The following AGBL1 variants were observed in gnomAD, a reference collection of about 807,000 sequenced individuals.
AGBL1 encodes the protein cytosolic carboxypeptidase 4.
Under a neutral mutation model 118.9 loss-of-function variants are expected in AGBL1, and 130 were observed. That is an observed-to-expected ratio of 1.09 (90% CI 0.95 to 1.26). The LOEUF (loss-of-function observed/expected upper bound fraction) is 1.26, where lower values mean the gene tolerates loss of function less well. Ranked by LOEUF, AGBL1 falls within the 50% of genes most tolerant of loss-of-function variation. The pLI, the probability that AGBL1 is intolerant of heterozygous loss-of-function variation, is 0.00. For synonymous variants in AGBL1, 555 were observed against 478.9 expected, an observed-to-expected ratio of 1.16 and a Z score of -2.08; for missense variants, 1,584 against 1,298.1, an observed-to-expected ratio of 1.22 and a Z score of -3.38.
At chr15:86,990,237 G>A (rs575395561) in intron 24 of AGBL1, among the ~76,000 whole-genome samples, 4 of 152,210 alleles carry the variant, frequency 2.6e-5, no homozygotes, top group African/African-American at 4.8e-5. Context: ...GTTTGGGGCC[G>A]GACGCCATAG....
chr15:86,404,747 G>A (rs931894570), intron 18 of AGBL1, among the ~76,000 whole-genome samples: 4 of 152,196 alleles, frequency 2.6e-5, no homozygotes, highest in African/African-American at 9.6e-5. Context: ...TAATCTGGGA[G>A]ATGTGATGCT....
chr15:86,641,413 TA>T (rs893733278), intron 21 of AGBL1, among the ~76,000 whole-genome samples: 10 of 149,656 alleles, frequency 6.7e-5, no homozygotes, highest in South Asian at 2.1e-4. Context: ...CAATTTTTTT[TA>T]AAAAAAAAAG....
At chr15:86,153,349 A>T (rs1279354595) in intron 3 of AGBL1, among the ~76,000 whole-genome samples, 2 of 152,182 alleles carry the variant, frequency 1.3e-5, no homozygotes, top group Non-Finnish European at 2.9e-5. Context: ...GGATGAGTTT[A>T]TTTCCTTTGC....
intron 22 of AGBL1, among the ~76,000 whole-genome samples, chr15:86,904,576 TATC>T (rs1394749944): frequency 3.7e-5 from 5 of 135,618 alleles, no homozygotes; most frequent in Non-Finnish European, 8.5e-5. Context: ...TGTATTATCA[TATC>T]ATATATAATA....
intron 17 of AGBL1, among the ~76,000 whole-genome samples, chr15:86,334,119 C>T (rs2080319283): frequency 6.6e-6 from 1 of 152,122 alleles, no homozygotes; most frequent in Admixed American, 6.5e-5. Context: ...AGAACTGGAA[C>T]AAGATCAGGA....
At chr15:86,543,095 A>G (rs2083527659) in intron 19 of AGBL1, among the ~76,000 whole-genome samples, 1 of 152,104 alleles carries the variant, frequency 6.6e-6, no homozygotes, top group Non-Finnish European at 1.5e-5. Context: ...AGAGCTTCCT[A>G]TCTTTTCTGC....
At chr15:86,583,034 AT>A (rs2084194891) in intron 21 of AGBL1, among the ~76,000 whole-genome samples, 1 of 152,032 alleles carries the variant, frequency 6.6e-6, no homozygotes, top group Non-Finnish European at 1.5e-5. Context: ...AAGTTATAAT[AT>A]TTTTTGAAAT....
At chr15:86,586,651 A>G (rs899656903) in intron 21 of AGBL1, among the ~76,000 whole-genome samples, 3 of 152,304 alleles carry the variant, frequency 2.0e-5, no homozygotes, top group African/African-American at 7.2e-5. Context: ...GTTTGGTTTA[A>G]TACATTTCAG....
intron 22 of AGBL1, among the ~76,000 whole-genome samples, chr15:86,731,167 G>T (rs765945497): frequency 2.0e-5 from 3 of 152,082 alleles, no homozygotes; most frequent in Admixed American, 1.3e-4. Context: ...AAAGAGAAAA[G>T]ACATGAATTA....
At chr15:86,167,674 G>A (rs1351285038) in intron 5 of AGBL1, among the ~76,000 whole-genome samples, 1 of 152,230 alleles carries the variant, frequency 6.6e-6, no homozygotes, top group Non-Finnish European at 1.5e-5. Flanking sequence ...GTGAGAGGGT[G>A]CAGTGTCTGG....
chr15:86,717,216 GAGA>G (rs1157252917), intron 22 of AGBL1, among the ~76,000 whole-genome samples: 1 of 152,180 alleles, frequency 6.6e-6, no homozygotes, highest in Non-Finnish European at 1.5e-5. Context: ...TGAGAACAAG[GAGA>G]AGGAGTGGGG....
intron 21 of AGBL1, among the ~76,000 whole-genome samples, chr15:86,645,937 T>A (rs962442546): frequency 1.3e-5 from 2 of 152,192 alleles, no homozygotes; most frequent in Non-Finnish European, 2.9e-5. Flanking sequence ...CTCAGCTTGC[T>A]TTTCAGGTTT....
At chr15:86,604,525 G>A (rs998149530) in intron 21 of AGBL1, among the ~76,000 whole-genome samples, 7 of 152,120 alleles carry the variant, frequency 4.6e-5, no homozygotes, top group African/African-American at 1.7e-4. Flanking sequence ...ATTACACAGT[G>A]GCTGAACTAG....
At chr15:86,973,469 A>C (rs569684734) in intron 23 of AGBL1, among the ~76,000 whole-genome samples, 3 of 140,066 alleles carry the variant, frequency 2.1e-5, no homozygotes, top group African/African-American at 5.0e-5. Context: ...GTCAGCCTAC[A>C]TTCCTCTTCA....
intron 22 of AGBL1, among the ~76,000 whole-genome samples, chr15:86,779,559 G>C (rs1286884928): frequency 6.6e-6 from 1 of 152,034 alleles, no homozygotes; most frequent in African/African-American, 2.4e-5. Context: ...CTAATTATTT[G>C]GGTATAAATT....
chr15:86,232,375 C>G (rs1392065380), intron 6 of AGBL1, among the ~76,000 whole-genome samples: 1 of 152,152 alleles, frequency 6.6e-6, no homozygotes, highest in Non-Finnish European at 1.5e-5. Context: ...CTTGGCCGCG[C>G]TAGTCCAATA....
intron 24 of AGBL1, among the ~76,000 whole-genome samples, chr15:87,006,358 C>A (rs990770828): frequency 1.5e-4 from 23 of 152,164 alleles, no homozygotes; most frequent in African/African-American, 5.5e-4. Context: ...AGCTTCCCTG[C>A]CGCTTTGTTT....
chr15:86,252,823 C>T (rs1454243447), intron 7 of AGBL1, among the ~76,000 whole-genome samples: 1 of 152,212 alleles, frequency 6.6e-6, no homozygotes, highest in Non-Finnish European at 1.5e-5. Flanking sequence ...ATCTCAGTGA[C>T]AATCCAGAAG....
At chr15:86,669,659 C>T (rs1474477824) in intron 21 of AGBL1, among the ~76,000 whole-genome samples, 4 of 152,088 alleles carry the variant, frequency 2.6e-5, no homozygotes, top group African/African-American at 9.7e-5. Flanking sequence ...TAAATTCCAC[C>T]ATTCATTTGT....
Sources: gnomAD v4.1 joint callset for allele counts (sites outside exome capture counted in the v4.1 genomes callset) on GRCh38, gnomAD v4.1.1 for gene constraint, MANE v1.5 for transcripts, NCBI Gene and HGNC (gene_info 2026-07-23, HGNC 2026-07-21) for gene names.